FTCDNL1: variants seen among roughly 807,000 people sequenced by gnomAD.
FTCDNL1 encodes formiminotransferase cyclodeaminase N-terminal like.
In FTCDNL1, 11 loss-of-function variants were observed where a neutral mutation model predicts 5.9. The ratio of observed to expected loss-of-function variants is 1.87; its 90% CI spans 1.18 to 3.10. The LOEUF is 3.10. FTCDNL1 is among the 30% of genes most tolerant of loss of function. The pLI, the probability that FTCDNL1 is intolerant of heterozygous loss-of-function variation, is 0.00. For synonymous variants in FTCDNL1, 58 were observed against 24.8 expected, an observed-to-expected ratio of 2.34 and a Z score of -3.99; for missense variants, 115 against 65.5, an observed-to-expected ratio of 1.76 and a Z score of -2.61.
the FTCDNL1 span, among the ~76,000 whole-genome samples, chr2:199,667,177 T>C: frequency 6.6e-6 from 1 of 152,208 alleles, no homozygotes; most frequent in African/African-American, 2.4e-5. Context: ...TAACATTTTA[T>C]GGACTTATAA....
intron 3 of FTCDNL1, among the ~76,000 whole-genome samples, chr2:199,780,592 T>G (rs1323921196): frequency 6.6e-6 from 1 of 152,220 alleles, no homozygotes; most frequent in Non-Finnish European, 1.5e-5. Flanking sequence ...TCTCTTCCTC[T>G]ATTACCTAAT....
chr2:199,819,656 GCTTC>G lies in FTCDNL1; in HGVS notation c.309_312del (p.Arg103SerfsTer28). ...TCCCTCCTCGTGAACCAGCCCAGCT[GCTTC>G]CTTCTCTGCACAAGACTGCGCTTCT... On this transcript the variant is annotated frameshift_variant, in exon 4 of 5. Coordinates refer to ENST00000420128, the MANE Select transcript of FTCDNL1 (RefSeq NM_001363886.2). LOFTEE classifies it high-confidence loss of function. The G allele has an allele frequency of 7.1e-6, 5 of 702,302 alleles. No individual in the cohort carries two copies. In the Admixed American group the frequency reaches 8.0e-5, roughly 11 times the overall value. 43.5% of individuals were successfully genotyped at this position (702,302 alleles called of 1,614,324 possible).
chr2:199,822,638 T>C (rs925620765), intron 3 of FTCDNL1, among the ~76,000 whole-genome samples: 2 of 152,212 alleles, frequency 1.3e-5, no homozygotes, highest in South Asian at 2.1e-4. Flanking sequence ...TGCTGTTTGA[T>C]AGTATTTTAC....
the FTCDNL1 span, among the ~76,000 whole-genome samples, chr2:199,747,411 G>T: frequency 6.6e-6 from 1 of 152,180 alleles, no homozygotes; most frequent in Non-Finnish European, 1.5e-5. Flanking sequence ...GTGCTGTGAA[G>T]AAGGGCTGCA....
chr2:199,808,544 C>G (rs4673493), downstream of FTCDNL1, among the ~76,000 whole-genome samples: 69,881 of 152,040 alleles, frequency 0.46, 18,385 homozygotes, highest in East Asian at 0.59. Flanking sequence ...ACACACTGTA[C>G]CCATTAAAAA....
At chr2:199,672,728 T>C in the FTCDNL1 span, among the ~76,000 whole-genome samples, 1 of 152,036 alleles carries the variant, frequency 6.6e-6, no homozygotes, top group African/African-American at 2.4e-5. Context: ...GCTTGTTCTC[T>C]GCATCAGGGC....
intron 2 of FTCDNL1, among the ~76,000 whole-genome samples, chr2:199,848,242 T>C (rs1456443960): frequency 1.3e-5 from 2 of 152,232 alleles, no homozygotes; most frequent in African/African-American, 4.8e-5. Context: ...ATAGTAATAC[T>C]GGCCGAGGGA....
At chr2:199,834,783 GA>G (rs1467142837) in intron 3 of FTCDNL1, among the ~76,000 whole-genome samples, 1 of 152,182 alleles carries the variant, frequency 6.6e-6, no homozygotes, top group Non-Finnish European at 1.5e-5. Flanking sequence ...TGAGGGGAGG[GA>G]GTGAAGTGAC....
downstream of FTCDNL1, among the ~76,000 whole-genome samples, chr2:199,756,956 C>T (rs1698093996): frequency 6.6e-6 from 1 of 152,182 alleles, no homozygotes; most frequent in Non-Finnish European, 1.5e-5. Flanking sequence ...ATCACTTCTG[C>T]CCACATTATA....
chr2:199,750,094 C>T, the FTCDNL1 span, among the ~76,000 whole-genome samples: 2 of 151,562 alleles, frequency 1.3e-5, no homozygotes, highest in African/African-American at 4.8e-5. Context: ...TGGCTCACAT[C>T]TGTGATCCCA....
At chr2:199,676,897 C>T in the FTCDNL1 span, among the ~76,000 whole-genome samples, 27 of 152,238 alleles carry the variant, frequency 1.8e-4, no homozygotes, top group Admixed American at 1.7e-3. Flanking sequence ...TTAAGCGTCT[C>T]GACAAAATGT....
At chr2:199,801,384 C>G (rs181547723) in intron 3 of FTCDNL1, among the ~76,000 whole-genome samples, 1 of 152,138 alleles carries the variant, frequency 6.6e-6, no homozygotes, top group Non-Finnish European at 1.5e-5. Context: ...TAGTGGCTCA[C>G]GCCTCTAATC....
intron 3 of FTCDNL1, among the ~76,000 whole-genome samples, chr2:199,791,216 G>A (rs1193416095): frequency 6.6e-6 from 1 of 151,980 alleles, no homozygotes; most frequent in African/African-American, 2.4e-5. Context: ...ATAATTGTAT[G>A]AAAATAGAGG....
At chr2:199,741,973 A>T in the FTCDNL1 span, among the ~76,000 whole-genome samples, 1 of 152,194 alleles carries the variant, frequency 6.6e-6, no homozygotes, top group African/African-American at 2.4e-5. Flanking sequence ...TTAGCATGGC[A>T]CATGGGCTTT....
At chr2:199,732,972 G>A in the FTCDNL1 span, among the ~76,000 whole-genome samples, 1 of 152,246 alleles carries the variant, frequency 6.6e-6, no homozygotes, top group African/African-American at 2.4e-5. Context: ...AGTTGGGGTG[G>A]GGTGGAGAAG....
the FTCDNL1 span, among the ~76,000 whole-genome samples, chr2:199,687,684 G>A: frequency 6.7e-6 from 1 of 149,832 alleles, no homozygotes; most frequent in Non-Finnish European, 1.5e-5. Flanking sequence ...AACTCTGAGT[G>A]ATTAAAAAAA....
chr2:199,795,390 C>T (rs938748736), intron 3 of FTCDNL1, among the ~76,000 whole-genome samples: 3 of 152,294 alleles, frequency 2.0e-5, no homozygotes, highest in African/African-American at 7.2e-5. Context: ...CTTTCTTTTT[C>T]TCTGCTCAGA....
chr2:199,725,621 T>G, the FTCDNL1 span, among the ~76,000 whole-genome samples: 6 of 152,132 alleles, frequency 3.9e-5, no homozygotes, highest in Non-Finnish European at 5.9e-5. Context: ...CTGAAAATGA[T>G]TTTGTTTATC....
At chr2:199,786,839 T>C (rs1172861478) in intron 3 of FTCDNL1, among the ~76,000 whole-genome samples, 1 of 152,174 alleles carries the variant, frequency 6.6e-6, no homozygotes, top group African/African-American at 2.4e-5. Flanking sequence ...ATTTGTTATC[T>C]TACAGTTCTG....
Sources: allele counts gnomAD v4.1 joint callset (sites outside exome capture counted in the v4.1 genomes callset), GRCh38; gene constraint gnomAD v4.1.1; transcripts MANE v1.5; gene names NCBI Gene and HGNC (gene_info 2026-07-23, HGNC 2026-07-21).